The following ATL2 variants were observed in gnomAD, a reference collection of about 807,000 sequenced individuals.
The protein encoded by ATL2 is atlastin-2.
ATL2 carries 31 observed loss-of-function variants against 73.9 expected under a neutral mutation model. The ratio of observed to expected loss-of-function variants is 0.42; its 90% confidence interval spans 0.32 to 0.57. ATL2 has a LOEUF of 0.57. ATL2 is among the 20% of genes least tolerant of loss of function. ATL2 has a pLI of 0.14. For missense variants in ATL2, 738 were observed against 702.6 expected (o/e 1.05, Z -0.57); for synonymous variants, 291 against 237.5 (o/e 1.23, Z -2.07).
intron 1 of ATL2, among the ~76,000 whole-genome samples, chr2:38,363,370 TG>T (rs35089431): frequency 0.078 from 9,394 of 120,126 alleles, 478 homozygotes; most frequent in South Asian, 0.21. Context: ...ATTAAAAAGG[TG>T]GGGGGGGGGG....
Position 38,294,416 on chromosome 2 carries a change from C to T in ATL2, c.*1578G>A, listed in dbSNP as rs1276171898. 2.6e-5 allele frequency among the ~76,000 whole-genome samples: 4 copies of T among 152,144 alleles called. No individual in the cohort carries two copies. The highest frequency in any genetic ancestry group is 5.9e-5 in the Non-Finnish European group (4 of 68,020). ...AGAAAACATTAGCCGGGAATGGTGG[C>T]ACGCACCTGTAGTCCCAGCTACTCA... On this transcript the variant is annotated 3_prime_UTR_variant, in exon 13 of 13. Transcript: ENST00000378954.
chr2:38,376,866 C>G (rs1672001827), intron 1 of ATL2, among the ~76,000 whole-genome samples: 1 of 150,654 alleles, frequency 6.6e-6, no homozygotes, highest in African/African-American at 2.4e-5. Context: ...ACGCGGCGGG[C>G]TGGCGGGCAG....
intron 1 of ATL2, chr2:38,376,258 G>A: frequency 2.1e-6 from 3 of 1,408,878 alleles, no homozygotes; most frequent in South Asian, 1.6e-5. Context: ...ATAAATAGGG[G>A]TGTTATGAGT....
At chr2:38,298,013 C>G (rs1666984930) in intron 12 of ATL2, 131 bp downstream of exon 12, 1 of 841,766 alleles carries the variant, frequency 1.2e-6, no homozygotes, top group Non-Finnish European at 1.8e-6. Flanking sequence ...GATTCTACAT[C>G]TGAACAAAAC....
At chr2:38,374,384 A>C (rs1671849934) in intron 1 of ATL2, among the ~76,000 whole-genome samples, 1 of 152,238 alleles carries the variant, frequency 6.6e-6, no homozygotes, top group Non-Finnish European at 1.5e-5. Context: ...TAAATAATAC[A>C]CCTGGACTTT....
At chr2:38,319,149 A>T in intron 2 of ATL2, 130 bp from the exon 3 acceptor site, 1 of 987,378 alleles carries the variant, frequency 1.0e-6, no homozygotes, top group Non-Finnish European at 1.5e-6. Context: ...CTGTGTAACA[A>T]ACAAGTAGTT....
intron 1 of ATL2, among the ~76,000 whole-genome samples, chr2:38,351,790 G>C (rs1573552351): frequency 6.7e-6 from 1 of 149,484 alleles, no homozygotes; most frequent in Middle Eastern, 3.4e-3. Context: ...ACCTCACCTA[G>C]CCAAAAAAAT....
At chr2:38,335,468 G>A (rs1389999899) in intron 2 of ATL2, among the ~76,000 whole-genome samples, 2 of 152,186 alleles carry the variant, frequency 1.3e-5, no homozygotes, top group African/African-American at 4.8e-5. Flanking sequence ...TTAATGCTTA[G>A]TGAAAGAAAC....
rs760607967 is a variant in ATL2 at position 38,343,435 on chromosome 2, CAAGA to C, written c.192_195del (p.Ala66MetfsTer28). The stretch of plus-strand genomic sequence containing the variant: ...TCAAAGTTATGGTCATCTTCATGAG[CAAGA>C]ACAATCTGTACTGGACATGGTTTCT... On this transcript the variant is annotated frameshift_variant, in exon 2 of 13. Transcript: ENST00000378954. LOFTEE classifies it high-confidence loss of function. 3.1e-6 allele frequency: 5 copies of C among 1,612,938 alleles called. No homozygotes were observed. In the Admixed American group the frequency reaches 6.7e-5, roughly 22 times the overall value.
At chr2:38,317,277 C>A (rs1370854711) in intron 4 of ATL2, among the ~76,000 whole-genome samples, 2 of 152,148 alleles carry the variant, frequency 1.3e-5, no homozygotes, top group East Asian at 3.9e-4. Flanking sequence ...CTTCTTGATA[C>A]ACCATCACCA....
At chr2:38,368,140 T>C (rs983455946) in intron 1 of ATL2, among the ~76,000 whole-genome samples, 5 of 151,250 alleles carry the variant, frequency 3.3e-5, no homozygotes, top group African/African-American at 1.2e-4. Flanking sequence ...TTCACTGTGT[T>C]AGCCAGGATG....
intron 9 of ATL2, among the ~76,000 whole-genome samples, chr2:38,301,268 C>A (rs1424042995): frequency 6.6e-6 from 1 of 152,200 alleles, no homozygotes; most frequent in East Asian, 1.9e-4. Flanking sequence ...CCGTGCCTGG[C>A]TCATCTCAAC....
At chr2:38,300,880 GAAAAAAA>G (rs60232727) in intron 9 of ATL2, among the ~76,000 whole-genome samples, 18 of 103,474 alleles carry the variant, frequency 1.7e-4, no homozygotes, top group African/African-American at 5.7e-4. Flanking sequence ...GCTCAAGAAG[GAAAAAAA>G]AAAAAAAAAC....
At chr2:38,376,973 G>A (rs959760533) in intron 1 of ATL2, among the ~76,000 whole-genome samples, 170 bp downstream of exon 1, 4 of 151,208 alleles carry the variant, frequency 2.6e-5, no homozygotes, top group Admixed American at 6.6e-5. Flanking sequence ...CGCGCTGCGG[G>A]AGCGCGGGGC....
At chr2:38,376,992 G>C (rs1672012042) in intron 1 of ATL2, 151 bp downstream of exon 1, 1 of 542,844 alleles carries the variant, frequency 1.8e-6, no homozygotes, top group South Asian at 3.0e-5. Context: ...GCGCGGCTGA[G>C]GCTAGGCCCG....
intron 1 of ATL2, among the ~76,000 whole-genome samples, chr2:38,356,100 C>T (rs374822043): frequency 1.3e-5 from 2 of 151,856 alleles, no homozygotes. Context: ...GAAAAATTAG[C>T]CACATATGTA....
At chr2:38,330,453 A>C (rs1467562341) in intron 2 of ATL2, among the ~76,000 whole-genome samples, 1 of 152,174 alleles carries the variant, frequency 6.6e-6, no homozygotes, top group African/African-American at 2.4e-5. Flanking sequence ...GTAAGAAAGA[A>C]AGAAGTAAAA....
At chr2:38,314,350 C>T (rs1329485142) in intron 6 of ATL2, among the ~76,000 whole-genome samples, 1 of 152,072 alleles carries the variant, frequency 6.6e-6, no homozygotes, top group East Asian at 1.9e-4. Context: ...TTTAGAATAA[C>T]ATCTGTTAAG....
intron 2 of ATL2, among the ~76,000 whole-genome samples, chr2:38,325,774 C>T (rs935565347): frequency 7.1e-5 from 10 of 140,024 alleles, no homozygotes; most frequent in Admixed American, 6.0e-4. Flanking sequence ...GTCCCCACAA[C>T]AAAAGCCTGC....
Sources: gnomAD v4.1 joint callset for allele counts (sites outside exome capture counted in the v4.1 genomes callset) on GRCh38, gnomAD v4.1.1 for gene constraint, MANE v1.5 for transcripts, NCBI Gene and HGNC (gene_info 2026-07-23, HGNC 2026-07-21) for gene names.